The following DLGAP2 variants were observed in gnomAD, a reference collection of about 807,000 sequenced individuals.
DLGAP2 encodes the protein DLG associated protein 2, also known as disks large-associated protein 2.
Under a neutral mutation model 100.3 loss-of-function variants are expected in DLGAP2, and 26 were observed. The observed-to-expected ratio is 0.26, with a 90% CI of 0.19 to 0.36. The LOEUF is 0.36. Ranked by LOEUF, DLGAP2 falls within the 10% of genes least tolerant of loss-of-function variation. The pLI, the probability that DLGAP2 is intolerant of heterozygous loss-of-function variation, is 1.00. For synonymous variants in DLGAP2, 886 were observed against 630.1 expected (o/e 1.41, Z -6.08); for missense variants, 1,858 against 1,453.2 (o/e 1.28, Z -4.53).
At chr8:853,262 A>G (rs1160043429) in intron 1 of DLGAP2, among the ~76,000 whole-genome samples, 5 of 152,176 alleles carry the variant, frequency 3.3e-5, no homozygotes, top group Admixed American at 3.3e-4. Context: ...AGGGAGGTCC[A>G]GGGAAACGAG....
intron 4 of DLGAP2, among the ~76,000 whole-genome samples, chr8:1,526,354 A>C (rs540754223): frequency 3.7e-4 from 56 of 150,848 alleles, no homozygotes; most frequent in African/African-American, 1.3e-3. Flanking sequence ...AGTCTCCCCC[A>C]CTCACAGGGG....
chr8:974,158 T>A lies in DLGAP2; in HGVS notation c.73+66192T>A, dbSNP rs191891615. ...ACTAATGGTAAGACACCAAACCATA[T>A]CCAGGAAGCTAAAAGAACCAGCAAG... is the stretch of plus-strand genomic sequence containing the variant. On this transcript the variant is annotated intron_variant, in intron 2 of 14. Transcript: ENST00000637795. 4.6e-5 allele frequency among the ~76,000 whole-genome samples: 7 copies of A among 152,226 alleles called. No individual in the cohort carries two copies. The East Asian group carries it at 1.4e-3, about 29-fold the overall frequency.
chr8:747,293 A>G lies in DLGAP2; in HGVS notation c.18+9468A>G, dbSNP rs150986887. On this transcript the variant is annotated intron_variant, in intron 1 of 14. Transcript: ENST00000637795. The stretch of plus-strand genomic sequence containing the variant: ...GTAAAAAGACTGCAAGATATCATAA[A>G]GCAGACAGGGAAGGAGAAACCTCCT... Among the ~76,000 whole-genome samples the G allele has an allele frequency of 7.0e-4, 107 of 152,222 alleles. 1 individual carries two copies. Among genetic ancestry groups the G allele is most frequent in the African/African-American group, 2.6e-3 (106 of 41,546 alleles).
At chr8:1,482,425 A>G (rs936132113) in intron 3 of DLGAP2, among the ~76,000 whole-genome samples, 2 of 152,252 alleles carry the variant, frequency 1.3e-5, no homozygotes, top group African/African-American at 4.8e-5. Flanking sequence ...GCTGAAAATC[A>G]TTGCATTTCT....
At chr8:1,176,309 C>G (rs755728738) in intron 2 of DLGAP2, among the ~76,000 whole-genome samples, 11 of 151,504 alleles carry the variant, frequency 7.3e-5, no homozygotes, top group Non-Finnish European at 1.5e-4. Context: ...GATCCAGACA[C>G]TTTCCTCAGG....
intron 1 of DLGAP2, among the ~76,000 whole-genome samples, chr8:905,854 A>G (rs1798368641): frequency 8.4e-6 from 1 of 118,568 alleles, no homozygotes; most frequent in African/African-American, 3.2e-5. Context: ...ATGTCTTGTG[A>G]CCTCTCGCGG....
At chr8:1,685,789 G>C (rs1424155500) in intron 12 of DLGAP2, among the ~76,000 whole-genome samples, 1 of 150,628 alleles carries the variant, frequency 6.6e-6, no homozygotes, top group African/African-American at 2.4e-5. Context: ...TTTCTCAAAA[G>C]AAGACATACA....
At chr8:1,307,053 A>C (rs1282315077) in intron 3 of DLGAP2, among the ~76,000 whole-genome samples, 1 of 152,206 alleles carries the variant, frequency 6.6e-6, no homozygotes, top group Non-Finnish European at 1.5e-5. Context: ...CATCAGAATT[A>C]AAGCTTGTGT....
intron 2 of DLGAP2, among the ~76,000 whole-genome samples, chr8:1,040,310 A>ATGGTCGGCTCAGTGTGCG (rs1802298918): frequency 2.0e-5 from 1 of 51,226 alleles, no homozygotes; most frequent in East Asian, 6.7e-4. Flanking sequence ...CTCGGTGTGC[A>ATGGTCGGCTCAGTGTGCG]TGGTCGGCTC....
intron 4 of DLGAP2, among the ~76,000 whole-genome samples, chr8:1,519,847 G>T (rs1439714898): frequency 6.6e-6 from 1 of 152,264 alleles, no homozygotes; most frequent in Non-Finnish European, 1.5e-5. Context: ...GCCGCCCATG[G>T]CTTCCTTTGG....
At chr8:1,239,762 GCAC>G in intron 2 of DLGAP2, among the ~76,000 whole-genome samples, 4 of 56,736 alleles carry the variant, frequency 7.1e-5, no homozygotes, top group Non-Finnish European at 1.4e-4. Context: ...CTCTCACATG[GCAC>G]CGTGTCTAGT....
intron 2 of DLGAP2, among the ~76,000 whole-genome samples, chr8:1,124,633 C>A (rs139359166): frequency 4.6e-5 from 7 of 152,326 alleles, no homozygotes; most frequent in Non-Finnish European, 1.0e-4. Flanking sequence ...AGCCAAGCAG[C>A]TGAAAACAGG....
intron 1 of DLGAP2, among the ~76,000 whole-genome samples, chr8:853,059 C>G (rs554038140): frequency 7.9e-5 from 12 of 152,312 alleles, no homozygotes; most frequent in Admixed American, 6.5e-4. Flanking sequence ...AAATTCAGTG[C>G]TTAGTTTATA....
At position 1,343,695 on chromosome 8, in the gene DLGAP2, G is replaced by C. The variant is rs184314206; in HGVS notation, c.106+84812G>C. ...CCGCAGTCAGCTTTTGGAGCAGTTT[G>C]CATCTGGGGGGTCGTGGGGGGTGTT... On this transcript the variant is annotated intron_variant, in intron 3 of 14. Transcript: ENST00000637795. 1.5e-3 allele frequency among the ~76,000 whole-genome samples: 206 copies of C among 139,300 alleles called. 2 individuals carry two copies. Among genetic ancestry groups the C allele is most frequent in the Non-Finnish European group, 2.9e-3 (179 of 62,714 alleles). The allele number at this position is 139,300 out of a possible 152,430, so 91.4% of individuals were successfully genotyped here.
chr8:1,294,373 C>T (rs557859319), intron 3 of DLGAP2, among the ~76,000 whole-genome samples: 10 of 152,330 alleles, frequency 6.6e-5, no homozygotes, highest in East Asian at 1.9e-4. Flanking sequence ...TCGTCGTCCA[C>T]GAGTGACTGG....
intron 10 of DLGAP2, among the ~76,000 whole-genome samples, chr8:1,676,216 G>C (rs1015132823): frequency 2.6e-4 from 40 of 152,292 alleles, no homozygotes; most frequent in African/African-American, 9.1e-4. Flanking sequence ...GAGCTTTTAA[G>C]TCCTGTTATA....
At chr8:1,038,893 C>T (rs917903223) in intron 2 of DLGAP2, among the ~76,000 whole-genome samples, 2 of 152,160 alleles carry the variant, frequency 1.3e-5, no homozygotes, top group Non-Finnish European at 2.9e-5. Context: ...ATTACATCAA[C>T]TATTTGTCAG....
At chr8:1,665,860 A>T (rs1268138344) in intron 8 of DLGAP2, among the ~76,000 whole-genome samples, 2 of 152,220 alleles carry the variant, frequency 1.3e-5, no homozygotes, top group Admixed American at 6.5e-5. Context: ...CCTACTCTCC[A>T]GGGCTGTCAC....
chr8:1,137,573 C>A (rs1310510683), intron 2 of DLGAP2: 1 of 152,106 alleles, frequency 6.6e-6, no homozygotes, highest in Non-Finnish European at 1.5e-5. Flanking sequence ...ATATTTGACT[C>A]AGAAAAAAAT....
Sources: gnomAD v4.1 joint callset for allele counts (sites outside exome capture counted in the v4.1 genomes callset) on GRCh38, gnomAD v4.1.1 for gene constraint, MANE v1.5 for transcripts, NCBI Gene and HGNC (gene_info 2026-07-23, HGNC 2026-07-21) for gene names.